COL28A1: variants seen among roughly 807,000 people sequenced by gnomAD.
The protein encoded by COL28A1 is collagen type XXVIII alpha 1 chain.
A neutral mutation model predicts 150.2 loss-of-function variants in COL28A1; 161 were observed. That is an observed-to-expected ratio of 1.07 (90% confidence interval 0.94 to 1.22). The LOEUF (loss-of-function observed/expected upper bound fraction) is 1.22, where lower values mean the gene tolerates loss of function less well. Ranked by LOEUF, COL28A1 falls within the 50% of genes most tolerant of loss-of-function variation. The pLI, the probability that COL28A1 is intolerant of heterozygous loss-of-function variation, is 0.00. For missense variants in COL28A1, 1,617 were observed against 1,388.3 expected, an observed-to-expected ratio of 1.16 and a Z score of -2.62; for synonymous variants, 552 against 469.7, an observed-to-expected ratio of 1.18 and a Z score of -2.26.
At chr7:7,419,742 G>C (rs1784291536) in intron 26 of COL28A1, 143 bp downstream of exon 26, 1 of 446,736 alleles carries the variant, frequency 2.2e-6, no homozygotes, top group South Asian at 8.5e-5. Flanking sequence ...ACGTTCACCT[G>C]ATATGAAAAA....
chr7:7,474,202 A>G (rs1358838674), intron 15 of COL28A1, among the ~76,000 whole-genome samples: 1 of 151,802 alleles, frequency 6.6e-6, no homozygotes, highest in Non-Finnish European at 1.5e-5. Context: ...AGAAAACAAA[A>G]CATTGTATGT....
intron 18 of COL28A1, 59 bp downstream of exon 18, chr7:7,452,260 G>A: frequency 1.3e-6 from 2 of 1,573,922 alleles, no homozygotes; most frequent in South Asian, 2.4e-5. Context: ...GGATATAAAG[G>A]AAACCTTATA....
intron 18 of COL28A1, among the ~76,000 whole-genome samples, chr7:7,449,354 T>C (rs116384363): frequency 0.023 from 3,471 of 152,114 alleles, 104 homozygotes; most frequent in African/African-American, 0.072. Flanking sequence ...CCAGTAATCA[T>C]TTATATTTAA....
chr7:7,428,507 G>C (rs572030077), intron 25 of COL28A1, among the ~76,000 whole-genome samples: 72 of 152,308 alleles, frequency 4.7e-4, no homozygotes, highest in Non-Finnish European at 9.3e-4. Context: ...CAAAGCTTTG[G>C]GGGTGAAAAC....
intron 15 of COL28A1, among the ~76,000 whole-genome samples, chr7:7,462,667 T>C (rs986636164): frequency 1.3e-5 from 2 of 152,162 alleles, no homozygotes. Flanking sequence ...ACGACCAGCC[T>C]GACCAACATA....
chr7:7,456,045 T>C lies in COL28A1; in HGVS notation c.1370A>G (p.Gln457Arg). ...GIPGIGSQGE[Q>R]GIQGPIGPPG... is the part of the protein sequence containing the mutation. ...GGAAAGGAAGAATGCATTAATTACC[T>C]GTTCCCCTTGACTCCCGATTCCAGG... The change falls in exon 16 of 35, where the codon CAG (glutamine) becomes CGG (arginine). Residue 457 changes from glutamine (Q) to arginine (R), a missense_variant and splice_region_variant. Gln to Arg is a conservative substitution (Grantham distance 43). Transcript: ENST00000399429. 1 of 1,613,918 alleles carries C rather than the reference T, an allele frequency of 6.2e-7. No individual in the cohort carries two copies. Among genetic ancestry groups the C allele is most frequent in the East Asian group, 2.2e-5 (1 of 44,858 alleles).
chr7:7,536,825 G>C (rs143634426), upstream of COL28A1, among the ~76,000 whole-genome samples: 1 of 152,116 alleles, frequency 6.6e-6, no homozygotes, highest in African/African-American at 2.4e-5. Context: ...GCTAGGCACT[G>C]TCCTGAGTGC....
At chr7:7,349,666 C>T in the COL28A1 span, among the ~76,000 whole-genome samples, 1 of 152,112 alleles carries the variant, frequency 6.6e-6, no homozygotes, top group Non-Finnish European at 1.5e-5. Flanking sequence ...TAAGCTGGGG[C>T]CATCACAGGG....
At chr7:7,463,231 AT>A (rs1787783184) in intron 15 of COL28A1, among the ~76,000 whole-genome samples, 2 of 152,098 alleles carry the variant, frequency 1.3e-5, no homozygotes, top group Admixed American at 1.3e-4. Context: ...GAACACTGTC[AT>A]CAGGTTATCT....
intron 14 of COL28A1, among the ~76,000 whole-genome samples, chr7:7,475,833 G>C (rs17168092): frequency 0.018 from 2,758 of 152,218 alleles, 85 homozygotes; most frequent in African/African-American, 0.063. Context: ...TCTTCTGATA[G>C]TGATACTGTG....
intron 25 of COL28A1, among the ~76,000 whole-genome samples, chr7:7,428,330 AGCTCCCTGAGAG>A (rs1784756218): frequency 6.6e-6 from 1 of 152,140 alleles, no homozygotes; most frequent in East Asian, 1.9e-4. Context: ...GTGATGATCC[AGCTCCCTGAGAG>A]GGCCTGAAAA....
chr7:7,506,670 T>C (rs1161360413), intron 10 of COL28A1, among the ~76,000 whole-genome samples: 1 of 152,246 alleles, frequency 6.6e-6, no homozygotes, highest in Non-Finnish European at 1.5e-5. Flanking sequence ...CTAACTTAAA[T>C]GCCTTAGAGA....
chr7:7,508,679 G>GTGT (rs1209250512), intron 9 of COL28A1, among the ~76,000 whole-genome samples: 8 of 152,110 alleles, frequency 5.3e-5, no homozygotes, highest in East Asian at 1.9e-4. Flanking sequence ...TTGGTTGCTG[G>GTGT]TGTTGTTGTT....
At chr7:7,481,472 C>A (rs1381839076) in intron 13 of COL28A1, among the ~76,000 whole-genome samples, 1 of 152,018 alleles carries the variant, frequency 6.6e-6, no homozygotes, top group Non-Finnish European at 1.5e-5. Flanking sequence ...AAGATAGTAC[C>A]AAAAGATTAT....
At chr7:7,460,568 G>C (rs1368065083) in intron 15 of COL28A1, among the ~76,000 whole-genome samples, 1 of 152,064 alleles carries the variant, frequency 6.6e-6, no homozygotes, top group Non-Finnish European at 1.5e-5. Context: ...ATTGTTAGTA[G>C]AGACAAGGTT....
In COL28A1 at chr7:7,456,089, G is replaced by C. The variant is rs1787145843; in HGVS notation, c.1326C>G (p.Pro442=). ...TTCCAGGGATACCCATTGGTCCTTGGGGTCCCACAGGTCCTATATCCCCCT... is the reference window on the plus strand; with the variant it reads ...TTCCAGGGATACCCATTGGTCCTTGCGGTCCCACAGGTCCTATATCCCCCT... ...GEKGDIGPVG[P]QGPMGIPGIG... The change falls in exon 16 of 35, where the codon CCC becomes CCG. Residue 442 remains proline (P), a synonymous_variant. Coordinates refer to ENST00000399429, the MANE Select transcript of COL28A1 (RefSeq NM_001037763.3). 6.2e-7 allele frequency: 1 copy of C among 1,613,560 alleles called. No homozygotes were observed. The highest frequency in any genetic ancestry group is 1.7e-5 in the Admixed American group (1 of 59,958).
chr7:7,474,901 T>C (rs531908287), intron 14 of COL28A1, among the ~76,000 whole-genome samples: 4 of 152,286 alleles, frequency 2.6e-5, no homozygotes, highest in South Asian at 2.1e-4. Flanking sequence ...AAAACACATA[T>C]GTAGCATCCC....
At chr7:7,415,928 G>A (rs1784053006) in intron 27 of COL28A1, among the ~76,000 whole-genome samples, 1 of 152,102 alleles carries the variant, frequency 6.6e-6, no homozygotes, top group Admixed American at 6.5e-5. Flanking sequence ...TCAGCCTCCT[G>A]AGTAGTTGGG....
chr7:7,477,397 T>C (rs972575180), intron 13 of COL28A1, among the ~76,000 whole-genome samples: 6 of 152,254 alleles, frequency 3.9e-5, no homozygotes, highest in Admixed American at 6.5e-5. Context: ...AGCATTTACA[T>C]TGTATTAGGT....
Sources: allele counts gnomAD v4.1 joint callset (sites outside exome capture counted in the v4.1 genomes callset), GRCh38; gene constraint gnomAD v4.1.1; transcripts MANE v1.5; gene names NCBI Gene and HGNC (gene_info 2026-07-23, HGNC 2026-07-21).